The following TENM3 variants were observed in gnomAD, a reference collection of about 807,000 sequenced individuals.
TENM3 encodes the protein teneurin transmembrane protein 3.
A neutral mutation model predicts 255.1 loss-of-function variants in TENM3; 63 were observed. The observed-to-expected ratio is 0.25, with a 90% CI of 0.20 to 0.30. TENM3 has a LOEUF of 0.30. TENM3 is among the 10% of genes least tolerant of loss of function. The probability of loss-of-function intolerance (pLI) is 1.00; values close to 1 mark genes in which losing one functional copy is unlikely to be tolerated. For synonymous variants in TENM3, 1,306 were observed against 1,322.3 expected (o/e 0.99, Z 0.27); for missense variants, 2,929 against 3,461.1 (o/e 0.85, Z 3.86).
At position 182,793,041 on chromosome 4, in the gene TENM3, C is replaced by T; in HGVS notation, c.6369C>T (p.Ala2123=). ...GAGAGATTAAAATAGGGCCCTTTGCCAACACCACCAAATATGCTTATGAAT... is the reference window on the plus strand; with the variant it reads ...GAGAGATTAAAATAGGGCCCTTTGCTAACACCACCAAATATGCTTATGAAT... ...TKREIKIGPF[A]NTTKYAYEYD... Residue 2123 remains alanine (A), a synonymous_variant, in exon 26 of 28, where the codon GCC becomes GCT. Coordinates refer to ENST00000511685, the MANE Select transcript of TENM3 (RefSeq NM_001080477.4). The surrounding 1 kb of genome is among the most constrained non-coding windows in gnomAD (Gnocchi z 5.7). 1 of 1,613,894 alleles carries T rather than the reference C, an allele frequency of 6.2e-7. No individual in the cohort carries two copies. The highest frequency in any genetic ancestry group is 1.7e-5 in the Admixed American group (1 of 60,016).
intron 3 of TENM3, among the ~76,000 whole-genome samples, chr4:182,355,287 C>T (rs1486070633): frequency 5.9e-5 from 9 of 152,150 alleles, no homozygotes; most frequent in Non-Finnish European, 1.2e-4. Context: ...ATGCCTGGGA[C>T]ACATGAGGCT....
chr4:182,293,936 T>C (rs1336584165), intron 1 of TENM3, among the ~76,000 whole-genome samples: 1 of 152,046 alleles, frequency 6.6e-6, no homozygotes, highest in Non-Finnish European at 1.5e-5. Flanking sequence ...TTAACCCAAA[T>C]GCCTCGACAA....
the TENM3 span, among the ~76,000 whole-genome samples, chr4:181,602,133 C>A: frequency 6.6e-6 from 1 of 152,066 alleles, no homozygotes; most frequent in Non-Finnish European, 1.5e-5. Context: ...AAGTGAAAAG[C>A]AACTAAAACT....
In TENM3 at chr4:182,232,228, C is replaced by T. The variant is rs868858837; in HGVS notation, c.-76+87474C>T. Among the ~76,000 whole-genome samples, 4 of 152,264 alleles carry T rather than the reference C, an allele frequency of 2.6e-5. No homozygotes were observed. In the South Asian group the frequency reaches 8.3e-4, roughly 32 times the overall value. ...TTCACTTTTATTCAGGGCCGTAACT[C>T]TCACTTCTCACTTGGCCACCGTGTT... On this transcript the variant is annotated intron_variant, in intron 1 of 2. Coordinates refer to the TENM3 transcript ENST00000512480.
At chr4:182,416,136 A>G (rs1376099500) in intron 3 of TENM3, among the ~76,000 whole-genome samples, 1 of 152,190 alleles carries the variant, frequency 6.6e-6, no homozygotes, top group Non-Finnish European at 1.5e-5. Context: ...GGGTAGTCTT[A>G]ATTCACACAC....
In TENM3 at chr4:182,600,916, T is replaced by TAA; in HGVS notation, c.512-8_512-7insAA. On this transcript the variant is annotated splice_region_variant and splice_polypyrimidine_tract_variant and intron_variant, in intron 3 of 27. Coordinates refer to ENST00000511685, the MANE Select transcript of TENM3 (RefSeq NM_001080477.4). ...CTCTTTCTTTTTTTTTTTTTTTTTT[T>TAA]TTTTCAGAGCAACCTGCAAGCAATC... 1 of 1,417,202 alleles carries TAA rather than the reference T, an allele frequency of 7.1e-7. No individual in the cohort carries two copies. The highest frequency in any genetic ancestry group is 9.5e-7 in the Non-Finnish European group (1 of 1,050,260). The allele number at this position is 1,417,202 out of a possible 1,614,324, so 87.8% of individuals were successfully genotyped here.
chr4:181,994,365 C>T, the TENM3 span, among the ~76,000 whole-genome samples: 1 of 152,048 alleles, frequency 6.6e-6, no homozygotes. Context: ...TCTTAAAATA[C>T]GTCATTGTTT....
chr4:182,664,762 T>G (rs1467352833), intron 6 of TENM3, among the ~76,000 whole-genome samples: 1 of 152,150 alleles, frequency 6.6e-6, no homozygotes, highest in Non-Finnish European at 1.5e-5. Flanking sequence ...GGATAGACGA[T>G]CAAACCAGAT....
intron 4 of TENM3, among the ~76,000 whole-genome samples, chr4:182,614,207 G>A (rs1419029780): frequency 6.6e-6 from 1 of 152,084 alleles, no homozygotes; most frequent in Admixed American, 6.5e-5. Flanking sequence ...AATAGAAGAG[G>A]CACTTTAGTG....
intron 3 of TENM3, among the ~76,000 whole-genome samples, chr4:182,436,788 C>T (rs571166761): frequency 1.6e-4 from 24 of 151,572 alleles, no homozygotes; most frequent in African/African-American, 4.6e-4. Flanking sequence ...GAGGCCAAGG[C>T]GGGCAGATCA....
chr4:181,547,248 T>C, the TENM3 span, among the ~76,000 whole-genome samples: 4 of 152,226 alleles, frequency 2.6e-5, no homozygotes, highest in South Asian at 2.1e-4. Flanking sequence ...ACATTTTATA[T>C]AGAGAGAAAG....
At chr4:181,603,257 G>A in the TENM3 span, among the ~76,000 whole-genome samples, 16 of 152,256 alleles carry the variant, frequency 1.1e-4, no homozygotes, top group Admixed American at 6.5e-4. Context: ...ATATCATGGC[G>A]TGAATCTTGA....
the TENM3 span, among the ~76,000 whole-genome samples, chr4:181,927,999 G>A: frequency 1.9e-4 from 29 of 152,056 alleles, no homozygotes; most frequent in African/African-American, 4.6e-4. Context: ...CAAAAAGGAC[G>A]TCCACACAAA....
chr4:181,455,082 G>T, the TENM3 span, among the ~76,000 whole-genome samples: 2 of 151,970 alleles, frequency 1.3e-5, 1 homozygote, highest in Non-Finnish European at 2.9e-5. Context: ...AAAGAGAACC[G>T]GGATCAGAGT....
At chr4:182,173,247 G>A (rs550027590) in intron 1 of TENM3, among the ~76,000 whole-genome samples, 36 of 152,254 alleles carry the variant, frequency 2.4e-4, no homozygotes, top group Non-Finnish European at 4.7e-4. Flanking sequence ...CCTACAGCTC[G>A]GAAGTGATCA....
chr4:182,096,332 T>C, the TENM3 span, among the ~76,000 whole-genome samples: 2 of 152,120 alleles, frequency 1.3e-5, no homozygotes, highest in African/African-American at 4.8e-5. Context: ...AATCCATGGG[T>C]TTGCACTGCT....
chr4:181,487,486 C>A, the TENM3 span, among the ~76,000 whole-genome samples: 1 of 152,136 alleles, frequency 6.6e-6, no homozygotes, highest in African/African-American at 2.4e-5. Flanking sequence ...GGTTAACAGG[C>A]AGTATCTTTT....
chr4:181,616,959 G>A, the TENM3 span, among the ~76,000 whole-genome samples: 1 of 152,036 alleles, frequency 6.6e-6, no homozygotes, highest in Non-Finnish European at 1.5e-5. Flanking sequence ...ACCGTTTTCT[G>A]GGTAGCCCTT....
intron 3 of TENM3, among the ~76,000 whole-genome samples, chr4:182,511,232 T>A (rs538872510): frequency 6.6e-6 from 1 of 152,208 alleles, no homozygotes; most frequent in Non-Finnish European, 1.5e-5. Context: ...TCAAATACTA[T>A]ACTAATACTC....
Sources: allele counts gnomAD v4.1 joint callset (sites outside exome capture counted in the v4.1 genomes callset), GRCh38; gene constraint gnomAD v4.1.1; non-coding constraint Gnocchi (gnomAD v3.1); transcripts MANE v1.5; gene names NCBI Gene and HGNC (gene_info 2026-07-23, HGNC 2026-07-21).